TRPV4: variants seen among roughly 807,000 people sequenced by gnomAD.
The protein encoded by TRPV4 is OSM9-like transient receptor potential channel 4.
TRPV4 carries 58 observed loss-of-function variants against 84.1 expected under a neutral mutation model. The ratio of observed to expected loss-of-function variants is 0.69; its 90% confidence interval spans 0.56 to 0.86. The LOEUF is 0.86. TRPV4 is among the 40% of genes least tolerant of loss of function. TRPV4 has a pLI of 0.00. For missense variants in TRPV4, 879 were observed against 1,181.1 expected, an observed-to-expected ratio of 0.74 and a Z score of 3.75; for synonymous variants, 489 against 500.9, an observed-to-expected ratio of 0.98 and a Z score of 0.32.
At position 109,798,759 on chromosome 12, in the gene TRPV4, C is replaced by A; in HGVS notation, c.1007G>T (p.Arg336Leu). The A allele has an allele frequency of 6.2e-7, 1 of 1,614,172 alleles. No homozygotes were observed. Among genetic ancestry groups the A allele is most frequent in the Non-Finnish European group, 8.5e-7 (1 of 1,180,038 alleles). Residue 336 changes from arginine (R) to leucine (L), a missense_variant, in exon 6 of 16, where the codon CGT (arginine) becomes CTT (leucine). This residue lies in a region of TRPV4 where 521 missense variants were observed against 686.6 expected (regional missense o/e 0.76). Transcript: ENST00000261740. This position sits in a 1 kb window ranked among gnomAD's most constrained non-coding sequence, Gnocchi z 5.0. Reference protein sequence around the residue: ...HALVAIADNTRENTKFVTKMY... With the variant: ...HALVAIADNTLENTKFVTKMY... The stretch of plus-strand genomic sequence containing the variant: ...CTTGGTAACAAACTTGGTGTTCTCA[C>A]GGGTGTTGTCAGCAATGGCCACCAG...
chr12:109,821,655 C>T (rs532006566), intron 1 of TRPV4, among the ~76,000 whole-genome samples: 2 of 152,018 alleles, frequency 1.3e-5, no homozygotes, highest in Non-Finnish European at 2.9e-5. Context: ...TCAGCCTCCT[C>T]GAGTAGCTGG....
At chr12:109,789,051 T>C (rs1295397599) in intron 12 of TRPV4, among the ~76,000 whole-genome samples, 1 of 152,160 alleles carries the variant, frequency 6.6e-6, no homozygotes, top group East Asian at 1.9e-4. Flanking sequence ...CTGATAAGCG[T>C]AGGAGTTTTG....
chr12:109,803,259 C>T (rs1308283608), intron 3 of TRPV4, 116 bp from the exon 4 acceptor site: 1 of 1,231,526 alleles, frequency 8.1e-7, no homozygotes, highest in Non-Finnish European at 1.2e-6. Context: ...TCAACATCTC[C>T]TCTCCAAGCC....
At chr12:109,809,328 ACATCCACCCACCCAG>A (rs1891366561) in intron 2 of TRPV4, among the ~76,000 whole-genome samples, 1 of 87,650 alleles carries the variant, frequency 1.1e-5, no homozygotes, top group South Asian at 3.8e-4. Context: ...CCTCATCCAT[ACATCCACCCACCCAG>A]CATCCACCCA....
rs751192197 is a variant in TRPV4 at position 109,814,527 on chromosome 12, T to C, written c.270A>G (p.Leu90=). The part of the protein sequence containing the change: ...PNPIDLLEST[L]YESSVVPGPK... ...GCCCAGGCACCACCGAGGACTCATA[T>C]AGGGTGGACTCCAGCAGATCGATGG... The change falls in exon 2 of 16, where the codon CTA becomes CTG. Residue 90 remains leucine (L), a synonymous_variant. Coordinates refer to ENST00000261740, the MANE Select transcript of TRPV4 (RefSeq NM_021625.5). The surrounding 1 kb of genome is among the most constrained non-coding windows in gnomAD (Gnocchi z 5.4). The C allele has an allele frequency of 8.7e-6, 14 of 1,614,046 alleles. No individual in the cohort carries two copies. Among genetic ancestry groups the C allele is most frequent in the South Asian group, 4.4e-5 (4 of 91,076 alleles).
intron 1 of TRPV4, among the ~76,000 whole-genome samples, chr12:109,828,288 CAG>C: frequency 6.6e-6 from 1 of 152,230 alleles, no homozygotes; most frequent in African/African-American, 2.4e-5. Context: ...GAAACATGCT[CAG>C]AGAAGTGATG....
intron 12 of TRPV4, 98 bp downstream of exon 12, chr12:109,792,265 A>T: frequency 1.2e-6 from 1 of 825,014 alleles, no homozygotes; most frequent in Non-Finnish European, 1.9e-6. Flanking sequence ...AAAAAAAAAA[A>T]GAACTCAGCA....
intron 5 of TRPV4, among the ~76,000 whole-genome samples, chr12:109,800,235 G>A (rs1037362460): frequency 8.5e-5 from 13 of 152,082 alleles, no homozygotes; most frequent in South Asian, 8.3e-4. Flanking sequence ...ATGAGCCACC[G>A]TGCCCAGCCA....
rs2136657436 is a variant in TRPV4 at position 109,814,284 on chromosome 12, G to A, written c.386+127C>T. ...AGATGGATGGATAGATGTATGGATG[G>A]TTGGATGGACAGATGGATGGATGGA... On this transcript the variant is annotated intron_variant, in intron 2 of 15. Transcript: ENST00000261740. This position sits in a 1 kb window ranked among gnomAD's most constrained non-coding sequence, Gnocchi z 5.4. 1 of 1,103,606 alleles carries A rather than the reference G, an allele frequency of 9.1e-7. No homozygotes were observed. The highest frequency in any genetic ancestry group is 2.6e-5 in the East Asian group (1 of 38,886). The allele number at this position is 1,103,606 out of a possible 1,614,324, so 68.4% of individuals were successfully genotyped here.
At chr12:109,809,266 TAACTACCCGCCCATCCATCCATCC>T (rs539365861) in intron 2 of TRPV4, among the ~76,000 whole-genome samples, 1,977 of 121,350 alleles carry the variant, frequency 0.016, 46 homozygotes, top group African/African-American at 0.059. Flanking sequence ...TCCACCCATC[TAACTACCCGCCCATCCATCCATCC>T]ACCTACCCGC....
chr12:109,785,812 C>T (rs552720732), intron 14 of TRPV4, among the ~76,000 whole-genome samples: 53 of 151,902 alleles, frequency 3.5e-4, no homozygotes, highest in African/African-American at 1.1e-3. Flanking sequence ...GTGGGAAGAT[C>T]GCTTGAGACC....
At chr12:109,790,874 T>G (rs537649319) in intron 12 of TRPV4, among the ~76,000 whole-genome samples, 1 of 152,346 alleles carries the variant, frequency 6.6e-6, no homozygotes, top group African/African-American at 2.4e-5. Context: ...CTTGGAACCC[T>G]AAGGCCACCA....
chr12:109,809,498 C>G (rs563706028), intron 2 of TRPV4, among the ~76,000 whole-genome samples: 5 of 147,724 alleles, frequency 3.4e-5, no homozygotes, highest in African/African-American at 1.2e-4. Context: ...TACCCATCCA[C>G]TCACTCCTCC....
chr12:109,793,371 T>C lies in TRPV4; in HGVS notation c.1658+156A>G. 1 of 724,120 alleles carries C rather than the reference T, an allele frequency of 1.4e-6. No individual in the cohort carries two copies. The highest frequency in any genetic ancestry group is 1.5e-5 in the South Asian group (1 of 67,924). 44.9% of individuals were successfully genotyped at this position (724,120 alleles called of 1,614,324 possible). On this transcript the variant is annotated intron_variant, in intron 10 of 15. Coordinates refer to ENST00000261740, the MANE Select transcript of TRPV4 (RefSeq NM_021625.5). The surrounding 1 kb of genome is among the most constrained non-coding windows in gnomAD (Gnocchi z 4.0). Reference sequence around the variant, plus strand: ...GAATTTTTCTTGAACCAGAAGACCCTATTGTTTGTGGCTTTGTCCTGACTT... The same window carrying C: ...GAATTTTTCTTGAACCAGAAGACCCCATTGTTTGTGGCTTTGTCCTGACTT...
At chr12:109,784,153 G>T (rs577346341) in intron 15 of TRPV4, among the ~76,000 whole-genome samples, 163 bp downstream of exon 15, 7 of 152,346 alleles carry the variant, frequency 4.6e-5, no homozygotes, top group African/African-American at 1.7e-4. Flanking sequence ...AGCCACGTAG[G>T]TGAGGTGCCC....
intron 5 of TRPV4, among the ~76,000 whole-genome samples, chr12:109,799,895 G>C: frequency 6.6e-6 from 1 of 151,852 alleles, no homozygotes; most frequent in East Asian, 1.9e-4. Flanking sequence ...CAAGCAGCTG[G>C]GACTTCAAGC....
At chr12:109,791,571 C>A (rs1015692903) in intron 12 of TRPV4, among the ~76,000 whole-genome samples, 6 of 149,858 alleles carry the variant, frequency 4.0e-5, no homozygotes, top group African/African-American at 1.5e-4. Context: ...CAACCTCCAC[C>A]CCCTGGGTTC....
At chr12:109,795,874 A>G (rs925713739) in intron 7 of TRPV4, among the ~76,000 whole-genome samples, 1 of 151,968 alleles carries the variant, frequency 6.6e-6, no homozygotes, top group Non-Finnish European at 1.5e-5. Flanking sequence ...TCGCCTCCCA[A>G]GTAGCTGGGA....
At chr12:109,809,354 T>C (rs1891368915) in intron 2 of TRPV4, among the ~76,000 whole-genome samples, 1 of 125,928 alleles carries the variant, frequency 7.9e-6, no homozygotes, top group Non-Finnish European at 1.6e-5. Context: ...CATCCACCCA[T>C]CCACCTACCC....
Sources: gnomAD v4.1 joint callset for allele counts (sites outside exome capture counted in the v4.1 genomes callset) on GRCh38, gnomAD v4.1.1 for gene constraint, gnomAD v4.1.1 regional missense constraint, Gnocchi (gnomAD v3.1) non-coding constraint, MANE v1.5 for transcripts, NCBI Gene and HGNC (gene_info 2026-07-23, HGNC 2026-07-21) for gene names.